DMTF1: variants seen among roughly 807,000 people sequenced by gnomAD.
DMTF1 encodes cyclin D binding myb like transcription factor 1.
Under a neutral mutation model 91.1 loss-of-function variants are expected in DMTF1, and 39 were observed. The observed-to-expected ratio is 0.43, with a 90% CI of 0.33 to 0.56. The LOEUF (loss-of-function observed/expected upper bound fraction) is 0.56. DMTF1 is among the 20% of genes least tolerant of loss of function. The pLI is 0.05. For synonymous variants in DMTF1, 338 were observed against 309.5 expected (o/e 1.09, Z -0.97); for missense variants, 750 against 914.5 (o/e 0.82, Z 2.32).
At position 87,164,959 on chromosome 7, in the gene DMTF1, G is replaced by A; in HGVS notation, c.18G>A (p.Glu6=). Residue 6 remains glutamate, a synonymous_variant, in exon 3 of 18, where the codon GAG becomes GAA. Coordinates refer to ENST00000331242, the MANE Select transcript of DMTF1 (RefSeq NM_001142327.2). MSTVE[E]DSDTVTVETV... The stretch of plus-strand genomic sequence containing the variant: ...ATTTGAGTATGAGCACAGTGGAAGA[G>A]GATTCTGACACAGTAACAGTAGAAA... 2 of 1,608,914 alleles carry A rather than the reference G, an allele frequency of 1.2e-6. No individual in the cohort carries two copies. The highest frequency in any genetic ancestry group is 1.7e-6 in the Non-Finnish European group (2 of 1,177,328).
intron 11 of DMTF1, 39 bp downstream of exon 11, chr7:87,184,664 ATT>A: frequency 1.3e-6 from 2 of 1,549,520 alleles, no homozygotes; most frequent in Non-Finnish European, 1.8e-6. Flanking sequence ...AAGCAACTTA[ATT>A]TCTGTGGATG....
intron 17 of DMTF1, 64 bp downstream of exon 17, chr7:87,194,892 ATTAAC>A (rs1800920580): frequency 6.5e-7 from 1 of 1,527,164 alleles, no homozygotes; most frequent in South Asian, 1.2e-5. Flanking sequence ...CAGACATTTA[ATTAAC>A]TTGTTTCAGT....
chr7:87,186,105 TC>T (rs1175393451), intron 12 of DMTF1, 125 bp downstream of exon 12: 1 of 957,792 alleles, frequency 1.0e-6, no homozygotes, highest in Non-Finnish European at 1.6e-6. Flanking sequence ...TTACACCACT[TC>T]CCTGTTTCTC....
chr7:87,170,170 C>A (rs887309466), intron 4 of DMTF1, among the ~76,000 whole-genome samples: 4 of 152,068 alleles, frequency 2.6e-5, no homozygotes, highest in Admixed American at 6.5e-5. Context: ...TCTTCCATCT[C>A]TTCTTTGTCT....
chr7:87,165,016 A>C lies in DMTF1; in HGVS notation c.75A>C (p.Thr25=). ...ACTCTGTGACTTTGACTCAGGACACAGAAGGGAATCTCATTCTTCACTGCC... is the reference window on the plus strand; with the variant it reads ...ACTCTGTGACTTTGACTCAGGACACCGAAGGGAATCTCATTCTTCACTGCC... ...TVNSVTLTQD[T]EGNLILHCPQ... is the part of the protein sequence containing the mutation. The change falls in exon 3 of 18, where the codon ACA becomes ACC. Residue 25 remains threonine (T), a synonymous_variant. Transcript: ENST00000331242. The C allele has an allele frequency of 3.1e-6, 5 of 1,611,222 alleles. No homozygotes were observed. Among genetic ancestry groups the C allele is most frequent in the Non-Finnish European group, 4.2e-6 (5 of 1,178,536 alleles).
At position 87,188,214 on chromosome 7, in the gene DMTF1, A is replaced by G; in HGVS notation, c.1324A>G (p.Ile442Val). ...NTNSSVQHVQ[I>V]RVARLEDNTA... is the part of the protein sequence containing the mutation. ...CAATTCCAGTGTGCAGCATGTTCAG[A>G]TAAGAGTTGCCCGCTTGGAAGATAA... Residue 442 changes from isoleucine (I) to valine (V), a missense_variant, in exon 13 of 18, where the codon ATA becomes GTA. Physicochemically the swap from Ile to Val is conservative, Grantham distance 29 (BLOSUM62 3). This residue lies in a region of DMTF1 where 410 missense variants were observed against 420.2 expected (regional missense o/e 0.98). Coordinates refer to ENST00000331242, the MANE Select transcript of DMTF1 (RefSeq NM_001142327.2). The G allele has an allele frequency of 1.2e-6, 2 of 1,614,034 alleles. No homozygotes were observed. The highest frequency in any genetic ancestry group is 1.7e-6 in the Non-Finnish European group (2 of 1,179,920).
intron 9 of DMTF1, among the ~76,000 whole-genome samples, chr7:87,181,814 A>G (rs1488086910): frequency 6.6e-6 from 1 of 152,180 alleles, no homozygotes; most frequent in Non-Finnish European, 1.5e-5. Flanking sequence ...AATGAATTGT[A>G]TGGATCATGA....
chr7:87,194,774 C>G lies in DMTF1; in HGVS notation c.2119C>G (p.Gln707Glu), dbSNP rs188703792. 14 of 1,611,930 alleles carry G rather than the reference C, an allele frequency of 8.7e-6. No individual in the cohort carries two copies. In the Admixed American group the frequency reaches 2.0e-4, roughly 23 times the overall value. The change falls in exon 17 of 18, where the codon CAG (glutamine) becomes GAG (glutamate). Residue 707 changes from glutamine (Q) to glutamate (E), a missense_variant. By Grantham distance (29) the Gln-to-Glu change is conservative. Transcript: ENST00000331242. ...LIVPSPHGFI[Q>E]ASDVIDTESV... Reference sequence around the variant, plus strand: ...CGTTCCTTCACCACATGGCTTTATCCAGGCATCTGATGTTATAGATACTGA... The same window carrying G: ...CGTTCCTTCACCACATGGCTTTATCGAGGCATCTGATGTTATAGATACTGA...
chr7:87,175,018 G>A (rs1476947630), intron 7 of DMTF1, among the ~76,000 whole-genome samples: 1 of 147,030 alleles, frequency 6.8e-6, no homozygotes, highest in Non-Finnish European at 1.5e-5. Context: ...GTTTTGTTTT[G>A]TTTTTGTTTT....
chr7:87,184,118 A>G (rs1464015942), intron 10 of DMTF1, among the ~76,000 whole-genome samples: 1 of 152,208 alleles, frequency 6.6e-6, no homozygotes, highest in Non-Finnish European at 1.5e-5. Flanking sequence ...TAACTTGAGA[A>G]TACATTCTTC....
intron 13 of DMTF1, among the ~76,000 whole-genome samples, chr7:87,188,701 A>G (rs1408513799): frequency 1.3e-5 from 2 of 152,092 alleles, no homozygotes; most frequent in Non-Finnish European, 2.9e-5. Flanking sequence ...TTGGGGATTG[A>G]TTTGAGGTCG....
chr7:87,157,087 T>C (rs977817139), intron 1 of DMTF1, among the ~76,000 whole-genome samples: 2 of 152,090 alleles, frequency 1.3e-5, no homozygotes, highest in Admixed American at 1.3e-4. Context: ...AGAAAGAACA[T>C]GAATGATTTT....
intron 14 of DMTF1, 89 bp from the exon 15 acceptor site, chr7:87,193,109 C>T (rs752803084): frequency 1.2e-5 from 17 of 1,391,534 alleles, no homozygotes; most frequent in East Asian, 9.2e-5. Flanking sequence ...TGGGTAAGTA[C>T]ATTTGTGTCT....
intron 14 of DMTF1, among the ~76,000 whole-genome samples, chr7:87,191,795 G>C (rs1490362810): frequency 1.3e-5 from 2 of 152,262 alleles, no homozygotes; most frequent in Admixed American, 6.5e-5. Context: ...TGAAAGTGGA[G>C]CATGACTGAA....
chr7:87,176,458 TC>T, intron 7 of DMTF1, among the ~76,000 whole-genome samples: 1 of 152,192 alleles, frequency 6.6e-6, no homozygotes, highest in East Asian at 1.9e-4. Context: ...GTAGATGATC[TC>T]AAGGACCCTT....
chr7:87,193,905 A>G lies in DMTF1; in HGVS notation c.1831A>G (p.Thr611Ala), dbSNP rs141391625. 2.7e-5 allele frequency: 43 copies of G among 1,613,316 alleles called. No homozygotes were observed. The East Asian group carries it at 9.1e-4, about 34-fold the overall frequency. Residue 611 changes from threonine to alanine, a missense_variant, in exon 16 of 18, where the codon ACT becomes GCT. Thr to Ala is a moderately conservative substitution (Grantham distance 58, BLOSUM62 0). Coordinates refer to ENST00000331242, the MANE Select transcript of DMTF1 (RefSeq NM_001142327.2). ...PEPPDALEAD[T>A]FPDEIHHPKM... ...GCCTCCAGACGCCCTAGAAGCAGAC[A>G]CTTTCCCAGATGAAATTCATCACCC... is the stretch of plus-strand genomic sequence containing the variant.
chr7:87,193,930 C>G lies in DMTF1; in HGVS notation c.1856C>G (p.Pro619Arg), dbSNP rs767321632. 84 of 1,613,242 alleles carry G rather than the reference C, an allele frequency of 5.2e-5. No individual in the cohort carries two copies. Among genetic ancestry groups the G allele is most frequent in the Middle Eastern group, 1.6e-4 (1 of 6,074 alleles). ...ADTFPDEIHHPKMTVEPSFND... is the reference protein window; with the variant it reads ...ADTFPDEIHHRKMTVEPSFND... ...ACTTTCCCAGATGAAATTCATCACC[C>G]TAAGATGACTGTGGAGCCATCATTT... The change falls in exon 16 of 18, where the codon CCT (proline) becomes CGT (arginine). Residue 619 changes from proline to arginine, a missense_variant. Physicochemically the swap from Pro to Arg is moderately radical, Grantham distance 103 (BLOSUM62 -2). Transcript: ENST00000331242.
intron 12 of DMTF1, chr7:87,186,954 C>T (rs767061559): frequency 6.6e-6 from 1 of 152,070 alleles, no homozygotes; most frequent in Non-Finnish European, 1.5e-5. Flanking sequence ...AATATCTTAG[C>T]TAGGTGTGTT....
At chr7:87,161,298 G>A (rs992327561) in intron 1 of DMTF1, among the ~76,000 whole-genome samples, 1 of 152,136 alleles carries the variant, frequency 6.6e-6, no homozygotes, top group African/African-American at 2.4e-5. Context: ...AGGAGTTCGA[G>A]ACCAGCCTGG....
Sources: gnomAD v4.1 joint callset for allele counts (sites outside exome capture counted in the v4.1 genomes callset) on GRCh38, gnomAD v4.1.1 for gene constraint, gnomAD v4.1.1 regional missense constraint, MANE v1.5 for transcripts, NCBI Gene and HGNC (gene_info 2026-07-23, HGNC 2026-07-21) for gene names.